The following CFAP54 variants were observed in gnomAD, a reference collection of about 807,000 sequenced individuals.
CFAP54 encodes the protein cilia and flagella associated protein 54, also known as cilia- and flagella-associated protein 54.
Under a neutral mutation model 370.4 loss-of-function variants are expected in CFAP54, and 290 were observed. The observed-to-expected ratio is 0.78, with a 90% CI of 0.71 to 0.86. The LOEUF is 0.86. CFAP54 is among the 40% of genes least tolerant of loss of function. The probability of loss-of-function intolerance (pLI) is 0.00; values close to 1 mark genes in which losing one functional copy is unlikely to be tolerated. For synonymous variants in CFAP54, 1,206 were observed against 1,236.5 expected (o/e 0.98, Z 0.52); for missense variants, 3,399 against 3,528.7 (o/e 0.96, Z 0.93).
At chr12:96,784,585 G>A (rs1958611379) in intron 60 of CFAP54, 132 bp from the exon 61 acceptor site, 1 of 604,062 alleles carries the variant, frequency 1.7e-6, no homozygotes, top group Non-Finnish European at 2.6e-6. Flanking sequence ...TGATACAAAA[G>A]ACTTTTAAAT....
chr12:96,560,029 T>A lies in CFAP54; in HGVS notation c.2411-4439T>A, dbSNP rs958837848. Among the ~76,000 whole-genome samples the A allele has an allele frequency of 2.0e-5, 3 of 152,100 alleles. No homozygotes were observed. In the South Asian group the frequency reaches 6.2e-4, roughly 32 times the overall value. On this transcript the variant is annotated intron_variant, in intron 17 of 67. Transcript: ENST00000524981. ...ATAATAATTGTACATATTTATGGGGTACATGCAATATTTTAACACGTGCAT... is the reference window on the plus strand; with the variant it reads ...ATAATAATTGTACATATTTATGGGGAACATGCAATATTTTAACACGTGCAT...
chr12:96,845,390 A>G (rs904469001), intron 66 of CFAP54, among the ~76,000 whole-genome samples: 2 of 152,212 alleles, frequency 1.3e-5, no homozygotes, highest in African/African-American at 4.8e-5. Context: ...TCAGGATTGA[A>G]AACTTCGTTT....
At chr12:96,856,302 G>C (rs1358699570) in intron 66 of CFAP54, among the ~76,000 whole-genome samples, 1 of 152,142 alleles carries the variant, frequency 6.6e-6, no homozygotes, top group African/African-American at 2.4e-5. Flanking sequence ...ATTAACATTT[G>C]GCTCCTTTTT....
intron 33 of CFAP54, among the ~76,000 whole-genome samples, chr12:96,647,565 G>A (rs1463869566): frequency 3.4e-5 from 5 of 148,760 alleles, no homozygotes; most frequent in African/African-American, 1.2e-4. Flanking sequence ...GTTCAAATCA[G>A]GTGGTTTTAA....
At chr12:96,856,921 G>C (rs1959720177) in intron 66 of CFAP54, among the ~76,000 whole-genome samples, 1 of 152,178 alleles carries the variant, frequency 6.6e-6, no homozygotes, top group Non-Finnish European at 1.5e-5. Flanking sequence ...CTGATACTGG[G>C]TAATTTGTAA....
chr12:96,493,285 G>C (rs1402097474), intron 1 of CFAP54, among the ~76,000 whole-genome samples: 1 of 152,198 alleles, frequency 6.6e-6, no homozygotes, highest in Non-Finnish European at 1.5e-5. Flanking sequence ...AGTATTCATG[G>C]AGCTTATAGT....
At chr12:96,683,129 T>A (rs1957290031) in intron 40 of CFAP54, among the ~76,000 whole-genome samples, 2 of 152,228 alleles carry the variant, frequency 1.3e-5, no homozygotes, top group Admixed American at 1.3e-4. Flanking sequence ...CACATTATTT[T>A]GAAACAAATT....
chr12:96,840,332 A>G (rs1278833420), intron 66 of CFAP54, among the ~76,000 whole-genome samples: 11 of 152,196 alleles, frequency 7.2e-5, no homozygotes, highest in African/African-American at 9.7e-5. Context: ...CATGTACCCT[A>G]TTGATGTGGA....
At chr12:96,501,585 T>C (rs2136348428) in intron 2 of CFAP54, among the ~76,000 whole-genome samples, 1 of 152,288 alleles carries the variant, frequency 6.6e-6, no homozygotes, top group South Asian at 2.1e-4. Flanking sequence ...TTAATGATCA[T>C]GTGAGTTTCC....
intron 50 of CFAP54, 96 bp downstream of exon 50, chr12:96,720,661 A>G: frequency 9.8e-7 from 1 of 1,021,488 alleles, no homozygotes; most frequent in South Asian, 3.4e-5. Flanking sequence ...AGTTTTAGAA[A>G]TTCCTATATC....
Position 96,625,805 on chromosome 12 carries a change from A to G in CFAP54, c.3974A>G (p.Glu1325Gly). ...LNWSVKGAVK[E>G]VMKFKQKPRF... The stretch of plus-strand genomic sequence containing the variant: ...TGGTCGGTCAAAGGTGCCGTGAAAG[A>G]AGGTAGGTGAACTGGATGTGTATAT... Residue 1325 changes from glutamate (E) to glycine (G), a missense_variant and splice_region_variant, in exon 29 of 68, where the codon GAA becomes GGA. Transcript: ENST00000524981. The G allele has an allele frequency of 6.5e-7, 1 of 1,532,392 alleles. No individual in the cohort carries two copies. Among genetic ancestry groups the G allele is most frequent in the Non-Finnish European group, 8.7e-7 (1 of 1,143,574 alleles). The allele number at this position is 1,532,392 out of a possible 1,614,324, so 94.9% of individuals were successfully genotyped here. A position where few individuals can be genotyped will look rare whatever the true frequency, so the allele number is the denominator to read the frequency against.
At chr12:96,764,111 C>T (rs1447888780) in intron 58 of CFAP54, 40 bp from the exon 59 acceptor site, 4 of 1,380,358 alleles carry the variant, frequency 2.9e-6, no homozygotes, top group African/African-American at 1.4e-5. Flanking sequence ...GAAGAGTTAT[C>T]ACAAAACTTT....
Position 96,792,395 on chromosome 12 carries a change from G to A in CFAP54, c.8746G>A (p.Asp2916Asn). 1 of 1,535,796 alleles carries A rather than the reference G, an allele frequency of 6.5e-7. No individual in the cohort carries two copies. The highest frequency in any genetic ancestry group is 8.7e-7 in the Non-Finnish European group (1 of 1,146,726). Residue 2916 changes from aspartate (D) to asparagine (N), a missense_variant, in exon 63 of 68, where the codon GAC becomes AAC. Physicochemically the swap from Asp to Asn is conservative, Grantham distance 23 (BLOSUM62 1). Around this residue, in one of 3 missense-constraint regions of CFAP54, gnomAD observed 2,796 missense variants for 2,869.7 expected, o/e 0.97. Coordinates refer to ENST00000524981, the MANE Select transcript of CFAP54 (RefSeq NM_001306084.2). ...FKPVSGSSCVDITPIEMVTQA... is the reference protein window; with the variant it reads ...FKPVSGSSCVNITPIEMVTQA... ...GCCTGTTTCAGGCTCATCTTGTGTGGACATAACGCCAATAGAAATGGTAAC... is the reference window on the plus strand; with the variant it reads ...GCCTGTTTCAGGCTCATCTTGTGTGAACATAACGCCAATAGAAATGGTAAC...
Position 96,500,835 on chromosome 12 carries a change from G to T in CFAP54, c.319G>T (p.Ala107Ser). ...CGTTTTATTTTATGATTTTTACAGTGCCACTTCTTTGTTTAATATCTGGAC... is the reference window on the plus strand; with the variant it reads ...CGTTTTATTTTATGATTTTTACAGTTCCACTTCTTTGTTTAATATCTGGAC... The part of the protein sequence containing the change: ...EEKHEFRRRC[A>S]TSLFNIWTKY... Residue 107 changes from alanine to serine, a missense_variant and splice_region_variant, in exon 2 of 68, where the codon GCC becomes TCC. Ala to Ser is a moderately conservative substitution (Grantham distance 99). Coordinates refer to ENST00000524981, the MANE Select transcript of CFAP54 (RefSeq NM_001306084.2). 2 of 1,517,528 alleles carry T rather than the reference G, an allele frequency of 1.3e-6. No individual in the cohort carries two copies. Among genetic ancestry groups the T allele is most frequent in the Non-Finnish European group, 1.8e-6 (2 of 1,136,150 alleles). 94.0% of individuals were successfully genotyped at this position (1,517,528 alleles called of 1,614,324 possible). A position where few individuals can be genotyped will look rare whatever the true frequency, so the allele number is the denominator to read the frequency against.
At chr12:96,763,108 TCTTAAGAAACTACTACTA>T (rs1209725567) in intron 58 of CFAP54, among the ~76,000 whole-genome samples, 5 of 152,336 alleles carry the variant, frequency 3.3e-5, no homozygotes, top group Admixed American at 3.3e-4. Context: ...ATGATTTAAA[TCTTAAGAAACTACTACTA>T]CTTATTTTAG....
At chr12:96,680,401 TACTTA>T (rs1453098015) in intron 40 of CFAP54, among the ~76,000 whole-genome samples, 2 of 152,174 alleles carry the variant, frequency 1.3e-5, no homozygotes, top group Non-Finnish European at 2.9e-5. Flanking sequence ...GAACTATCTA[TACTTA>T]ACTTATTTAA....
At chr12:96,660,688 G>A (rs1956984294) in intron 38 of CFAP54, among the ~76,000 whole-genome samples, 1 of 152,188 alleles carries the variant, frequency 6.6e-6, no homozygotes, top group African/African-American at 2.4e-5. Flanking sequence ...TTCTGCAGTG[G>A]ACACCAGCTA....
intron 60 of CFAP54, among the ~76,000 whole-genome samples, chr12:96,773,374 C>T (rs1412785994): frequency 7.9e-5 from 12 of 152,330 alleles, no homozygotes; most frequent in Admixed American, 3.3e-4. Context: ...TCTCCCTCAC[C>T]GCTTAACCCA....
chr12:96,726,666 T>A (rs1234362163), intron 50 of CFAP54, among the ~76,000 whole-genome samples: 1 of 152,068 alleles, frequency 6.6e-6, no homozygotes, highest in African/African-American at 2.4e-5. Context: ...TTTTTGTGTC[T>A]CTATTTCCTT....
Sources: gnomAD v4.1 joint callset for allele counts (sites outside exome capture counted in the v4.1 genomes callset) on GRCh38, gnomAD v4.1.1 for gene constraint, gnomAD v4.1.1 regional missense constraint, MANE v1.5 for transcripts, NCBI Gene and HGNC (gene_info 2026-07-23, HGNC 2026-07-21) for gene names.